The following RUNX2 variants were observed in gnomAD, a reference collection of about 807,000 sequenced individuals.
The protein encoded by RUNX2 is RUNX family transcription factor 2.
A neutral mutation model predicts 51.7 loss-of-function variants in RUNX2; 10 were observed. The observed-to-expected ratio is 0.19, with a 90% CI of 0.12 to 0.33. The LOEUF is 0.33. Ranked by LOEUF, RUNX2 falls within the 10% of genes least tolerant of loss-of-function variation. The pLI is 1.00. For synonymous variants in RUNX2, 276 were observed against 273.6 expected (o/e 1.01, Z -0.09); for missense variants, 562 against 691.3 (o/e 0.81, Z 2.10).
intron 2 of RUNX2, among the ~76,000 whole-genome samples, chr6:45,343,031 T>C (rs952933929): frequency 5.9e-5 from 9 of 152,142 alleles, no homozygotes; most frequent in African/African-American, 2.2e-4. Flanking sequence ...TGTAAAAATA[T>C]TACCACCTAC....
At chr6:45,525,422 A>G (rs1801643422) in intron 7 of RUNX2, among the ~76,000 whole-genome samples, 1 of 152,236 alleles carries the variant, frequency 6.6e-6, no homozygotes, top group Admixed American at 6.5e-5. Flanking sequence ...TCAAGCATGT[A>G]GAGTGGTAAT....
At chr6:45,424,946 CAA>C (rs918451972) in intron 3 of RUNX2, among the ~76,000 whole-genome samples, 77 of 152,098 alleles carry the variant, frequency 5.1e-4, no homozygotes, top group South Asian at 2.1e-4. Flanking sequence ...AATTTCCATA[CAA>C]TATATATCTT....
chr6:45,332,361 A>T (rs1787689839), intron 2 of RUNX2, among the ~76,000 whole-genome samples: 1 of 150,884 alleles, frequency 6.6e-6, no homozygotes, highest in Non-Finnish European at 1.5e-5. Context: ...TATATATTTA[A>T]AAAAAAGGAA....
In RUNX2 at chr6:45,548,107, T is replaced by C. The variant is rs560277927; in HGVS notation, c.*802T>C. The C allele has an allele frequency of 6.5e-6, 1 of 152,696 alleles. No homozygotes were observed. The highest frequency in any genetic ancestry group is 6.5e-5 in the Admixed American group (1 of 15,302). The allele number at this position is 152,696 out of a possible 1,614,324, so 9.5% of individuals were successfully genotyped here. A position where few individuals can be genotyped will look rare whatever the true frequency, so the allele number is the denominator to read the frequency against. On this transcript the variant is annotated 3_prime_UTR_variant, in exon 9 of 9. Transcript: ENST00000647337. Reference sequence around the variant, plus strand: ...CATAATGGTATAGATAGTGATTGCGTTTGGCTATGTGTTGTTTTCTTTTTT... The same window carrying C: ...CATAATGGTATAGATAGTGATTGCGCTTGGCTATGTGTTGTTTTCTTTTTT...
intron 2 of RUNX2, among the ~76,000 whole-genome samples, chr6:45,354,690 C>T (rs997843589): frequency 3.3e-5 from 5 of 151,728 alleles, no homozygotes; most frequent in Admixed American, 2.6e-4. Context: ...TCTCTAGACA[C>T]ATTTAAAAAA....
chr6:45,475,575 C>T (rs1413040522), intron 5 of RUNX2, among the ~76,000 whole-genome samples: 1 of 152,222 alleles, frequency 6.6e-6, no homozygotes, highest in Non-Finnish European at 1.5e-5. Context: ...GCCTATTCAA[C>T]ATTCAGAGCT....
intron 6 of RUNX2, among the ~76,000 whole-genome samples, chr6:45,495,310 G>A (rs1800614562): frequency 6.6e-6 from 1 of 152,176 alleles, no homozygotes; most frequent in Non-Finnish European, 1.5e-5. Flanking sequence ...GTGCAATAAG[G>A]GTTGAGAGGA....
At chr6:45,444,353 A>G (rs937024985) in intron 5 of RUNX2, among the ~76,000 whole-genome samples, 3 of 152,198 alleles carry the variant, frequency 2.0e-5, no homozygotes, top group Admixed American at 6.5e-5. Context: ...GGCATTCACC[A>G]CTGATCAGCC....
chr6:45,361,760 TAAG>T (rs1205063426), intron 2 of RUNX2: 2 of 152,160 alleles, frequency 1.3e-5, no homozygotes, highest in African/African-American at 4.8e-5. Flanking sequence ...TTCAAATCTG[TAAG>T]AAGGGGCCAG....
intron 2 of RUNX2, among the ~76,000 whole-genome samples, chr6:45,408,437 C>T (rs1797882910): frequency 6.6e-6 from 1 of 152,024 alleles, no homozygotes; most frequent in Admixed American, 6.6e-5. Flanking sequence ...GGAAAATTTT[C>T]AGGTCTTGCA....
chr6:45,368,492 T>G (rs1410329924), intron 2 of RUNX2, among the ~76,000 whole-genome samples: 2 of 152,198 alleles, frequency 1.3e-5, no homozygotes, highest in Non-Finnish European at 2.9e-5. Flanking sequence ...TTAAACAAAA[T>G]GCACTGAACA....
intron 4 of RUNX2, among the ~76,000 whole-genome samples, chr6:45,433,937 C>T (rs886578974): frequency 6.6e-6 from 1 of 152,150 alleles, no homozygotes; most frequent in African/African-American, 2.4e-5. Context: ...TAGGATTTTT[C>T]CTTTGAAGCA....
Position 45,529,737 on chromosome 6 carries a change from A to G in RUNX2, c.1022-15480A>G, listed in dbSNP as rs559154638. 5.9e-5 allele frequency among the ~76,000 whole-genome samples: 9 copies of G among 152,338 alleles called. No homozygotes were observed. The South Asian group carries it at 1.9e-3, about 32-fold the overall frequency. ...AACAGATAACAGCCCCTGGAAAAAA[A>G]CAGTCACTTTAAAAAGGAATAAAAT... On this transcript the variant is annotated intron_variant, in intron 7 of 8. Transcript: ENST00000647337.
At chr6:45,433,221 G>A (rs1262650284) in intron 4 of RUNX2, among the ~76,000 whole-genome samples, 4 of 152,130 alleles carry the variant, frequency 2.6e-5, no homozygotes, top group African/African-American at 9.7e-5. Context: ...ACAGCCTCCG[G>A]TAGAATCAAA....
intron 2 of RUNX2, among the ~76,000 whole-genome samples, chr6:45,364,922 A>G (rs1794869482): frequency 6.6e-6 from 1 of 152,218 alleles, no homozygotes. Flanking sequence ...ACACAGACTC[A>G]GGCAAATAAT....
intron 2 of RUNX2, among the ~76,000 whole-genome samples, chr6:45,402,071 T>C (rs190085255): frequency 2.0e-5 from 3 of 152,372 alleles, no homozygotes; most frequent in Non-Finnish European, 2.9e-5. Context: ...TGGTTAATTA[T>C]GCTCTTAGAT....
rs1037822324 is a variant in RUNX2, at chr6:45,477,395, G to C, written c.686-14546G>C. ...GACTGGTATTTCTAGGTTGCTTCCT[G>C]GGTGTCTGCACCTGAATATGTCCCA... On this transcript the variant is annotated intron_variant, in intron 5 of 8. Coordinates refer to ENST00000647337, the MANE Select transcript of RUNX2 (RefSeq NM_001024630.4). 1.3e-5 allele frequency among the ~76,000 whole-genome samples: 2 copies of C among 152,108 alleles called. 1 individual carries two copies. Among genetic ancestry groups the C allele is most frequent in the South Asian group, 4.1e-4 (2 of 4,834 alleles).
At chr6:45,476,783 A>C (rs921203991) in intron 5 of RUNX2, among the ~76,000 whole-genome samples, 2 of 152,232 alleles carry the variant, frequency 1.3e-5, no homozygotes, top group East Asian at 3.8e-4. Context: ...TCTTTGTATA[A>C]GAATACCTCT....
At chr6:45,493,521 T>C (rs1293298583) in intron 6 of RUNX2, among the ~76,000 whole-genome samples, 1 of 152,010 alleles carries the variant, frequency 6.6e-6, no homozygotes, top group African/African-American at 2.4e-5. Flanking sequence ...GGGGCGGTGG[T>C]GAGGGTTGAA....
Sources: gnomAD v4.1 joint callset for allele counts (sites outside exome capture counted in the v4.1 genomes callset) on GRCh38, gnomAD v4.1.1 for gene constraint, MANE v1.5 for transcripts, NCBI Gene and HGNC (gene_info 2026-07-23, HGNC 2026-07-21) for gene names.